The following IL1RL2 variants were observed in gnomAD, a reference collection of about 807,000 sequenced individuals.
IL1RL2 encodes interleukin 1 receptor like 2.
IL1RL2 carries 68 observed loss-of-function variants against 66.8 expected under a neutral mutation model. That is an observed-to-expected ratio of 1.02 (90% CI 0.84 to 1.25). The LOEUF is 1.25. Among genes scored for constraint, IL1RL2 ranks in the 50% most tolerant of loss-of-function variants. The probability of loss-of-function intolerance (pLI) is 0.00; values close to 1 mark genes in which losing one functional copy is unlikely to be tolerated. For missense variants in IL1RL2, 729 were observed against 709.3 expected (o/e 1.03, Z -0.32); for synonymous variants, 305 against 264.6 (o/e 1.15, Z -1.48).
At chr2:102,235,887 C>T (rs551425656) in intron 11 of IL1RL2, 280 of 985,434 alleles carry the variant, frequency 2.8e-4, no homozygotes, top group African/African-American at 1.2e-3. Context: ...TGGGGACCCA[C>T]GGGAGTGGCC....
At chr2:102,187,367 A>G (rs969454145) in intron 1 of IL1RL2, 46 of 1,154,456 alleles carry the variant, frequency 4.0e-5, no homozygotes, top group Non-Finnish European at 4.8e-5. Flanking sequence ...GCTGCTCCCC[A>G]GTGAGCGGGT....
intron 9 of IL1RL2, among the ~76,000 whole-genome samples, chr2:102,226,453 G>C (rs188566957): frequency 1.3e-5 from 2 of 152,340 alleles, no homozygotes. Flanking sequence ...GCTGCCTGCG[G>C]TTGGAGCTCT....
At chr2:102,214,908 G>A (rs112123891) in intron 6 of IL1RL2, among the ~76,000 whole-genome samples, 52 of 152,306 alleles carry the variant, frequency 3.4e-4, no homozygotes, top group African/African-American at 1.1e-3. Flanking sequence ...GTGTCTGAAG[G>A]AGGGCGCTGG....
At chr2:102,212,000 T>G in intron 5 of IL1RL2, 100 bp from the exon 6 acceptor site, 1 of 719,174 alleles carries the variant, frequency 1.4e-6, no homozygotes, top group South Asian at 2.0e-5. Flanking sequence ...CAGAGCTTAT[T>G]GATGGTCTGC....
intron 5 of IL1RL2, among the ~76,000 whole-genome samples, chr2:102,207,273 C>A (rs1167391247): frequency 6.6e-6 from 1 of 152,182 alleles, no homozygotes; most frequent in East Asian, 1.9e-4. Flanking sequence ...AAGTGCAAGA[C>A]AAACTTTTCC....
chr2:102,217,626 C>T (rs1382911598), intron 6 of IL1RL2, among the ~76,000 whole-genome samples: 1 of 152,066 alleles, frequency 6.6e-6, no homozygotes, highest in African/African-American at 2.4e-5. Flanking sequence ...GAAATAAGTC[C>T]ACAAATCAAC....
At chr2:102,209,640 G>T (rs1283688509) in intron 5 of IL1RL2, among the ~76,000 whole-genome samples, 2 of 152,200 alleles carry the variant, frequency 1.3e-5, no homozygotes, top group Admixed American at 6.5e-5. Flanking sequence ...GACTGTTTAT[G>T]CATAGGCTTT....
intron 9 of IL1RL2, among the ~76,000 whole-genome samples, chr2:102,231,545 G>A (rs540768145): frequency 6.1e-5 from 9 of 146,414 alleles, no homozygotes; most frequent in Non-Finnish European, 1.0e-4. Context: ...ATCCAGGAGC[G>A]GTCCCATGTT....
chr2:102,208,252 T>A (rs1039681382), intron 5 of IL1RL2, among the ~76,000 whole-genome samples: 1 of 152,092 alleles, frequency 6.6e-6, no homozygotes, highest in Non-Finnish European at 1.5e-5. Flanking sequence ...GTTGTTAACT[T>A]GGTGTCCTTG....
At chr2:102,226,788 A>G (rs1033711461) in intron 9 of IL1RL2, among the ~76,000 whole-genome samples, 9 of 152,126 alleles carry the variant, frequency 5.9e-5, no homozygotes, top group African/African-American at 2.2e-4. Context: ...GGAAGAAAGA[A>G]GGAAGGGAAG....
Position 102,187,160 on chromosome 2 carries a change from A to C in IL1RL2, c.-13+74A>C, listed in dbSNP as rs961082075. The stretch of plus-strand genomic sequence containing the variant: ...TGACAGTAGGAGAGGTGTGCAGGAA[A>C]AGACGTGGCAACAATGTGTGCCACC... On this transcript the variant is annotated intron_variant, in intron 1 of 11. Coordinates refer to ENST00000264257, the MANE Select transcript of IL1RL2 (RefSeq NM_003854.4). The C allele has an allele frequency of 4.7e-6, 6 of 1,265,526 alleles. No individual in the cohort carries two copies. The African/African-American group carries it at 6.1e-5, about 13-fold the overall frequency. The allele number at this position is 1,265,526 out of a possible 1,614,324, so 78.4% of individuals were successfully genotyped here.
At chr2:102,228,108 C>A (rs1296498343) in intron 9 of IL1RL2, among the ~76,000 whole-genome samples, 1 of 152,026 alleles carries the variant, frequency 6.6e-6, no homozygotes, top group Admixed American at 6.5e-5. Flanking sequence ...TCCTTTTTTT[C>A]TTTATTTTTA....
intron 8 of IL1RL2, among the ~76,000 whole-genome samples, chr2:102,223,706 A>G (rs1416556238): frequency 1.3e-5 from 2 of 152,310 alleles, no homozygotes; most frequent in African/African-American, 4.8e-5. Context: ...CCTCATTAGT[A>G]TTGTGGGCAT....
At chr2:102,193,668 G>T (rs1482925449) in intron 4 of IL1RL2, among the ~76,000 whole-genome samples, 1 of 152,168 alleles carries the variant, frequency 6.6e-6, no homozygotes, top group Non-Finnish European at 1.5e-5. Flanking sequence ...GAGTATTCTA[G>T]ATTTCCTACA....
At chr2:102,195,242 G>A (rs985519663) in intron 4 of IL1RL2, among the ~76,000 whole-genome samples, 1 of 152,278 alleles carries the variant, frequency 6.6e-6, no homozygotes, top group Admixed American at 6.5e-5. Flanking sequence ...AGACTTCCTA[G>A]TTTTAATGCA....
At chr2:102,218,437 G>T (rs1689805372) in intron 6 of IL1RL2, among the ~76,000 whole-genome samples, 1 of 152,052 alleles carries the variant, frequency 6.6e-6, no homozygotes, top group Non-Finnish European at 1.5e-5. Context: ...AAGGGTGGGG[G>T]TTACATTTGG....
At chr2:102,240,352 C>T (rs189230963), downstream of IL1RL2, among the ~76,000 whole-genome samples, 3 of 130,354 alleles carry the variant, frequency 2.3e-5, no homozygotes, top group East Asian at 6.9e-4. Context: ...CAAATTTCTT[C>T]TTCTCCTCCT....
At chr2:102,236,011 A>G (rs1291664814) in intron 11 of IL1RL2, 2 of 892,638 alleles carry the variant, frequency 2.2e-6, no homozygotes, top group Middle Eastern at 1.1e-3. Flanking sequence ...AATTCTGAGC[A>G]GCCTGTGAGA....
chr2:102,235,251 AGCACACACCTT>A lies in IL1RL2; in HGVS notation c.1655_1665del (p.His552LeufsTer33). On this transcript the variant is annotated frameshift_variant, in exon 11 of 12. Coordinates refer to ENST00000264257, the MANE Select transcript of IL1RL2 (RefSeq NM_003854.4). LOFTEE classifies it low-confidence loss of function (END_TRUNC). ...CCGTTTCCTCCGGTCCAGCTGCTGC[AGCACACACCTT>A]GCTACCGCACCGCAGGTGAGCGGGT... is the stretch of plus-strand genomic sequence containing the variant. 1.2e-6 allele frequency: 2 copies of A among 1,613,856 alleles called. No individual in the cohort carries two copies. Among genetic ancestry groups the A allele is most frequent in the Non-Finnish European group, 1.7e-6 (2 of 1,179,996 alleles).
Sources: gnomAD v4.1 joint callset for allele counts (sites outside exome capture counted in the v4.1 genomes callset) on GRCh38, gnomAD v4.1.1 for gene constraint, MANE v1.5 for transcripts, NCBI Gene and HGNC (gene_info 2026-07-23, HGNC 2026-07-21) for gene names.